Variants in NTRK2 observed in about 807,000 individuals in gnomAD.
NTRK2 encodes the protein BDNF/NT-3 growth factors receptor.
A neutral mutation model predicts 94.5 loss-of-function variants in NTRK2; 13 were observed. The ratio of observed to expected loss-of-function variants is 0.14; its 90% CI spans 0.09 to 0.22. NTRK2 has a LOEUF of 0.22. NTRK2 is among the 10% of genes least tolerant of loss of function. NTRK2 has a pLI of 1.00. For synonymous variants in NTRK2, 372 were observed against 407.4 expected (o/e 0.91, Z 1.05); for missense variants, 639 against 1,071.2 (o/e 0.60, Z 5.63).
chr9:84,801,396 C>G (rs780608889), intron 12 of NTRK2, among the ~76,000 whole-genome samples: 1 of 152,190 alleles, frequency 6.6e-6, no homozygotes, highest in Non-Finnish European at 1.5e-5. Context: ...TCCAGTGGTA[C>G]TAGTTAGTAC....
intron 17 of NTRK2, among the ~76,000 whole-genome samples, chr9:85,007,129 T>C (rs1388208805): frequency 1.1e-4 from 17 of 152,266 alleles, no homozygotes; most frequent in Non-Finnish European, 1.5e-4. Flanking sequence ...AACCTCAGCT[T>C]ACAGCTGACT....
rs1435036682 is a variant in NTRK2, at chr9:84,727,715, C to T, written c.915C>T (p.Phe305=). ...PTSDHHWCIP[F]TVKGNPKPAL... The stretch of plus-strand genomic sequence containing the variant: ...CAGACCACCACTGGTGCATTCCATT[C>T]ACTGTGAAAGGCAACCCCAAACCAG... Residue 305 remains phenylalanine (F), a synonymous_variant, in exon 9 of 19, where the codon TTC becomes TTT. Coordinates refer to ENST00000277120, the MANE Select transcript of NTRK2 (RefSeq NM_006180.6). The T allele has an allele frequency of 6.2e-7, 1 of 1,613,820 alleles. No homozygotes were observed.
intron 14 of NTRK2, among the ~76,000 whole-genome samples, chr9:84,879,907 C>G (rs1217377891): frequency 6.6e-6 from 1 of 152,170 alleles, no homozygotes; most frequent in African/African-American, 2.4e-5. Flanking sequence ...GTGGGCAGAG[C>G]CCAGGCCATC....
chr9:84,925,117 G>T (rs1020213185), intron 14 of NTRK2, among the ~76,000 whole-genome samples: 1 of 151,570 alleles, frequency 6.6e-6, no homozygotes, highest in Middle Eastern at 3.2e-3. Flanking sequence ...ATTTTTCTGT[G>T]CCCCCACCCC....
intron 11 of NTRK2, among the ~76,000 whole-genome samples, chr9:84,750,255 G>A (rs958625751): frequency 2.0e-5 from 3 of 151,852 alleles, no homozygotes; most frequent in Admixed American, 6.6e-5. Context: ...CCCCTGGATG[G>A]CAATATTATT....
intron 2 of NTRK2, among the ~76,000 whole-genome samples, chr9:84,700,495 G>A (rs775362128): frequency 2.2e-4 from 34 of 152,284 alleles, no homozygotes; most frequent in South Asian, 2.1e-4. Context: ...AGAAGAAGCC[G>A]CCGTTCTATC....
rs192614517 is a variant in NTRK2 at position 84,729,189 on chromosome 9, A to G, written c.1159+1230A>G. 4.6e-5 allele frequency among the ~76,000 whole-genome samples: 7 copies of G among 152,336 alleles called. No individual in the cohort carries two copies. The East Asian group carries it at 1.4e-3, about 29-fold the overall frequency. On this transcript the variant is annotated intron_variant, in intron 9 of 18. Transcript: ENST00000277120. ...AATGCAGTCCTTCTCATTACATGAT[A>G]AGTTCCTATTATTTTGCTCTTCACT...
At chr9:84,787,407 C>A in intron 12 of NTRK2, among the ~76,000 whole-genome samples, 1 of 152,154 alleles carries the variant, frequency 6.6e-6, no homozygotes, top group Non-Finnish European at 1.5e-5. Context: ...ACTCAGTAGA[C>A]TCTAGACCCG....
At chr9:84,760,652 T>C (rs887916029) in intron 12 of NTRK2, among the ~76,000 whole-genome samples, 6 of 152,324 alleles carry the variant, frequency 3.9e-5, no homozygotes, top group South Asian at 2.1e-4. Context: ...TTTAAATTAT[T>C]TTGGGGTTTA....
intron 14 of NTRK2, chr9:84,876,410 C>G: frequency 1.9e-6 from 2 of 1,054,366 alleles, no homozygotes; most frequent in Non-Finnish European, 2.3e-6. Context: ...TGTTTTCATG[C>G]TCAATACTTA....
intron 12 of NTRK2, among the ~76,000 whole-genome samples, chr9:84,772,695 A>C (rs1007606730): frequency 6.6e-6 from 1 of 152,198 alleles, no homozygotes; most frequent in African/African-American, 2.4e-5. Flanking sequence ...CATTGTCTAC[A>C]GAAATCAGGG....
chr9:84,980,100 A>G (rs997747297), intron 17 of NTRK2, among the ~76,000 whole-genome samples: 3 of 152,154 alleles, frequency 2.0e-5, no homozygotes, highest in Non-Finnish European at 4.4e-5. Flanking sequence ...TCTCTGAGGC[A>G]TGTCTGTACT....
intron 12 of NTRK2, among the ~76,000 whole-genome samples, chr9:84,854,471 A>G (rs1451902275): frequency 6.6e-6 from 1 of 152,148 alleles, no homozygotes; most frequent in Non-Finnish European, 1.5e-5. Flanking sequence ...ATTCTAGAAA[A>G]GGATGCAGAT....
chr9:84,697,001 A>T (rs1443614437), intron 2 of NTRK2, among the ~76,000 whole-genome samples: 1 of 152,174 alleles, frequency 6.6e-6, no homozygotes, highest in Non-Finnish European at 1.5e-5. Context: ...TTCTGGGCAG[A>T]ACAGGATGGT....
chr9:84,686,046 A>G (rs2059694487), intron 2 of NTRK2, among the ~76,000 whole-genome samples: 1 of 152,228 alleles, frequency 6.6e-6, no homozygotes, highest in African/African-American at 2.4e-5. Context: ...ATATATACAC[A>G]TAAATCTATC....
chr9:84,758,509 A>C (rs2065269203), intron 12 of NTRK2, among the ~76,000 whole-genome samples: 1 of 152,088 alleles, frequency 6.6e-6, no homozygotes, highest in South Asian at 2.1e-4. Flanking sequence ...CTCCTGTCTT[A>C]GCCTCCTGAG....
At chr9:84,979,650 G>T (rs1396078153) in intron 17 of NTRK2, among the ~76,000 whole-genome samples, 2 of 152,214 alleles carry the variant, frequency 1.3e-5, no homozygotes, top group Non-Finnish European at 2.9e-5. Flanking sequence ...AATTTTGAAA[G>T]AAGTTCTGTG....
intron 6 of NTRK2, among the ~76,000 whole-genome samples, chr9:84,722,771 G>A (rs1421849808): frequency 1.3e-5 from 2 of 152,160 alleles, no homozygotes. Flanking sequence ...CATAGCTTTT[G>A]AAATATAAAA....
intron 16 of NTRK2, 22 bp from the exon 17 acceptor site, chr9:84,955,261 C>A: frequency 6.4e-7 from 1 of 1,573,846 alleles, no homozygotes; most frequent in Non-Finnish European, 8.6e-7. Flanking sequence ...CCCCCAGCTT[C>A]ATTCTCCATG....
Sources: gnomAD v4.1 joint callset for allele counts (sites outside exome capture counted in the v4.1 genomes callset) on GRCh38, gnomAD v4.1.1 for gene constraint, MANE v1.5 for transcripts, NCBI Gene and HGNC (gene_info 2026-07-23, HGNC 2026-07-21) for gene names.